The following SPRED2 variants were observed in gnomAD, a reference collection of about 807,000 sequenced individuals.
SPRED2 encodes the protein sprouty-related, EVH1 domain-containing protein 2.
SPRED2 carries 47 observed loss-of-function variants against 43.0 expected under a neutral mutation model. That is an observed-to-expected ratio of 1.09 (90% CI 0.87 to 1.40). The LOEUF (loss-of-function observed/expected upper bound fraction) is 1.40. Ranked by LOEUF, SPRED2 falls within the 40% of genes most tolerant of loss-of-function variation. The pLI is 0.00. For synonymous variants in SPRED2, 225 were observed against 225.7 expected (o/e 1.00, Z 0.03); for missense variants, 561 against 586.4 (o/e 0.96, Z 0.45).
chr2:65,418,472 T>A (rs1676340072), intron 1 of SPRED2, among the ~76,000 whole-genome samples: 1 of 152,218 alleles, frequency 6.6e-6, no homozygotes, highest in South Asian at 2.1e-4. Flanking sequence ...CCTCAAAGAC[T>A]CAAGACTCAC....
At chr2:65,400,382 C>T (rs746960868) in intron 1 of SPRED2, among the ~76,000 whole-genome samples, 1 of 152,192 alleles carries the variant, frequency 6.6e-6, no homozygotes, top group Non-Finnish European at 1.5e-5. Flanking sequence ...GTTTCATCCA[C>T]AAATAGGGCC....
At position 65,312,839 on chromosome 2, in the gene SPRED2, G is replaced by T. The variant is rs901694382; in HGVS notation, c.*662C>A. The T allele has an allele frequency of 5.1e-6, 5 of 985,802 alleles. No individual in the cohort carries two copies. The highest frequency in any genetic ancestry group is 6.0e-6 in the Non-Finnish European group (5 of 829,926). The allele number at this position is 985,802 out of a possible 1,614,324, so 61.1% of individuals were successfully genotyped here. A position where few individuals can be genotyped will look rare whatever the true frequency, so the allele number is the denominator to read the frequency against. On this transcript the variant is annotated 3_prime_UTR_variant, in exon 6 of 6. Coordinates refer to ENST00000356388, the MANE Select transcript of SPRED2 (RefSeq NM_181784.3). ...CAGTGAATCATTTCAACAGATTTTGGGGGGGCAGAAAATGATGATGGGCTA... is the reference window on the plus strand; with the variant it reads ...CAGTGAATCATTTCAACAGATTTTGTGGGGGCAGAAAATGATGATGGGCTA...
At chr2:65,356,469 T>C (rs1414422388) in intron 1 of SPRED2, among the ~76,000 whole-genome samples, 1 of 150,712 alleles carries the variant, frequency 6.6e-6, no homozygotes, top group African/African-American at 2.4e-5. Context: ...AAGATGCTGA[T>C]AATGGTACTA....
chr2:65,426,986 C>T (rs1676570846), intron 1 of SPRED2, among the ~76,000 whole-genome samples: 1 of 152,242 alleles, frequency 6.6e-6, no homozygotes, highest in Non-Finnish European at 1.5e-5. Flanking sequence ...CAGCCTTGCA[C>T]TAGGCACTTA....
rs1006120821 is a variant in SPRED2, at chr2:65,369,424, G to A, written c.27-24528C>T. 2.0e-4 allele frequency among the ~76,000 whole-genome samples: 30 copies of A among 152,058 alleles called. 1 individual carries two copies. The highest frequency in any genetic ancestry group is 6.8e-4 in the African/African-American group (28 of 41,472). ...CCAACCCCCACTACCATCCCAATAA[G>A]CCTGAAGAAAGAACTTTGGTGGTGA... On this transcript the variant is annotated intron_variant, in intron 1 of 5. Coordinates refer to ENST00000356388, the MANE Select transcript of SPRED2 (RefSeq NM_181784.3).
intron 1 of SPRED2, among the ~76,000 whole-genome samples, chr2:65,409,691 CAAAAAAAAAA>C (rs59225849): frequency 2.2e-5 from 2 of 90,214 alleles, no homozygotes; most frequent in African/African-American, 9.3e-5. Context: ...CAGTTTCCTG[CAAAAAAAAAA>C]AAAAAAAAAA....
At chr2:65,393,032 T>A (rs754508459) in intron 1 of SPRED2, among the ~76,000 whole-genome samples, 21 of 152,194 alleles carry the variant, frequency 1.4e-4, no homozygotes, top group Non-Finnish European at 2.9e-4. Context: ...TCTCTCCTTT[T>A]CAAAAGGCAA....
At chr2:65,392,387 G>A (rs1675660524) in intron 1 of SPRED2, among the ~76,000 whole-genome samples, 1 of 151,700 alleles carries the variant, frequency 6.6e-6, no homozygotes, top group Admixed American at 6.6e-5. Flanking sequence ...TGTTGCCCAG[G>A]CTGGTCTCGA....
In SPRED2 at chr2:65,312,391, A is replaced by T. The variant is rs1380407657; in HGVS notation, c.*1110T>A. The T allele has an allele frequency of 1.0e-6, 1 of 985,174 alleles. No individual in the cohort carries two copies. Among genetic ancestry groups the T allele is most frequent in the African/African-American group, 1.7e-5 (1 of 57,184 alleles). The allele number at this position is 985,174 out of a possible 1,614,324, so 61.0% of individuals were successfully genotyped here. ...ACCCATGAAGAAAATGCAACCCACC[A>T]CTCTTCAAATTTATGACATTTAAAA... On this transcript the variant is annotated 3_prime_UTR_variant, in exon 6 of 6. Coordinates refer to ENST00000356388, the MANE Select transcript of SPRED2 (RefSeq NM_181784.3).
chr2:65,422,526 C>A (rs1175126455), intron 1 of SPRED2, among the ~76,000 whole-genome samples: 1 of 152,188 alleles, frequency 6.6e-6, no homozygotes, highest in South Asian at 2.1e-4. Flanking sequence ...ACATGGTAGG[C>A]ATTCAATGGC....
intron 1 of SPRED2, among the ~76,000 whole-genome samples, chr2:65,401,927 G>GCGCGCGCA (rs1553426565): frequency 1.0e-4 from 3 of 29,992 alleles, no homozygotes; most frequent in African/African-American, 4.1e-4. Flanking sequence ...CAGAATATTA[G>GCGCGCGCA]CGCGCGCGCG....
intron 1 of SPRED2, among the ~76,000 whole-genome samples, chr2:65,410,073 T>C (rs1572900087): frequency 6.8e-6 from 1 of 147,990 alleles, no homozygotes; most frequent in African/African-American, 2.5e-5. Flanking sequence ...AAAAAAAAAG[T>C]ATAACATCTT....
chr2:65,403,334 A>G (rs1675949418), intron 1 of SPRED2, among the ~76,000 whole-genome samples: 1 of 152,214 alleles, frequency 6.6e-6, no homozygotes. Flanking sequence ...GCAGTGGTGC[A>G]TGCATCAAAG....
chr2:65,421,850 A>C (rs1676430672), intron 1 of SPRED2, among the ~76,000 whole-genome samples: 1 of 152,210 alleles, frequency 6.6e-6, no homozygotes, highest in Non-Finnish European at 1.5e-5. Flanking sequence ...ACAATTTTTT[A>C]TACGAGAAAA....
At chr2:65,341,451 G>A (rs941524324) in intron 2 of SPRED2, among the ~76,000 whole-genome samples, 2 of 152,110 alleles carry the variant, frequency 1.3e-5, no homozygotes, top group South Asian at 2.1e-4. Flanking sequence ...ACGACTCAGC[G>A]GGGGCGGACA....
intron 1 of SPRED2, among the ~76,000 whole-genome samples, chr2:65,359,099 G>A (rs1423058196): frequency 1.3e-5 from 2 of 152,132 alleles, no homozygotes; most frequent in Admixed American, 1.3e-4. Context: ...TCCTTTTAGG[G>A]TCACAATGAC....
intron 1 of SPRED2, among the ~76,000 whole-genome samples, chr2:65,371,052 T>C (rs1478745524): frequency 1.3e-5 from 2 of 152,168 alleles, no homozygotes; most frequent in East Asian, 3.8e-4. Flanking sequence ...AGTGAGGGCC[T>C]TCAGAAATGA....
chr2:65,347,801 C>T (rs986042550), intron 1 of SPRED2, among the ~76,000 whole-genome samples: 6 of 152,088 alleles, frequency 3.9e-5, no homozygotes, highest in African/African-American at 1.4e-4. Flanking sequence ...TCAGGTTGAA[C>T]TCTCTTGGTT....
chr2:65,421,244 A>G (rs1243640402), intron 1 of SPRED2, among the ~76,000 whole-genome samples: 1 of 152,232 alleles, frequency 6.6e-6, no homozygotes, highest in Non-Finnish European at 1.5e-5. Flanking sequence ...GGGGAGGGAC[A>G]GGCACCTGAT....
Sources: gnomAD v4.1 joint callset for allele counts (sites outside exome capture counted in the v4.1 genomes callset) on GRCh38, gnomAD v4.1.1 for gene constraint, MANE v1.5 for transcripts, NCBI Gene and HGNC (gene_info 2026-07-23, HGNC 2026-07-21) for gene names.